PGM1: variants seen among roughly 807,000 people sequenced by gnomAD.
PGM1 encodes phosphoglucomutase 1.
A neutral mutation model predicts 55.6 loss-of-function variants in PGM1; 52 were observed. That is an observed-to-expected ratio of 0.94 (90% CI 0.75 to 1.18). PGM1 has a LOEUF of 1.18. Ranked by LOEUF, PGM1 falls within the 50% of genes most tolerant of loss-of-function variation. The pLI, the probability that PGM1 is intolerant of heterozygous loss-of-function variation, is 0.00. For missense variants in PGM1, 724 were observed against 729.3 expected, an observed-to-expected ratio of 0.99 and a Z score of 0.08; for synonymous variants, 287 against 271.7, an observed-to-expected ratio of 1.06 and a Z score of -0.55.
At chr1:63,640,324 G>A (rs543470482) in intron 7 of PGM1, among the ~76,000 whole-genome samples, 28 of 152,268 alleles carry the variant, frequency 1.8e-4, no homozygotes, top group South Asian at 6.2e-4. Flanking sequence ...GTGAGTATGT[G>A]GAAGAATACT....
intron 4 of PGM1, among the ~76,000 whole-genome samples, chr1:63,632,606 C>G (rs528508545): frequency 1.3e-5 from 2 of 152,326 alleles, no homozygotes; most frequent in South Asian, 4.1e-4. Context: ...TTAAACCATT[C>G]AACAGATGTG....
intron 1 of PGM1, chr1:63,594,017 C>G: frequency 8.9e-7 from 1 of 1,126,032 alleles, no homozygotes; most frequent in Non-Finnish European, 1.1e-6. Flanking sequence ...GCCCGACTCT[C>G]CGTCTCTAGC....
chr1:63,631,783 G>T lies in PGM1; in HGVS notation c.682+1G>T, dbSNP rs1177737420. The T allele has an allele frequency of 6.2e-7, 1 of 1,613,682 alleles. No individual in the cohort carries two copies. On this transcript the variant is annotated splice_donor_variant, in intron 4 of 10. Transcript: ENST00000371084. LOFTEE classifies it high-confidence loss of function. ...ATCCGTATTGATGCTATGCATGGAG[G>T]TATACAATCATTTCTTTTCAATTCC... is the stretch of plus-strand genomic sequence containing the variant.
At chr1:63,652,527 A>G (rs1335191329) in intron 9 of PGM1, among the ~76,000 whole-genome samples, 1 of 151,882 alleles carries the variant, frequency 6.6e-6, no homozygotes, top group African/African-American at 2.4e-5. Flanking sequence ...CTGGCTTCTC[A>G]TGAACACTTA....
intron 10 of PGM1, 53 bp downstream of exon 10, chr1:63,654,519 GT>G (rs1649909374): frequency 2.5e-6 from 4 of 1,585,356 alleles, no homozygotes; most frequent in Non-Finnish European, 3.5e-6. Flanking sequence ...GGGAATGATA[GT>G]TTCCCATTGA....
In PGM1 at chr1:63,657,422, C is replaced by T. The variant is rs1285504026; in HGVS notation, c.1600-2164C>T. On this transcript the variant is annotated intron_variant, in intron 10 of 10. Coordinates refer to ENST00000371084, the MANE Select transcript of PGM1 (RefSeq NM_002633.3). ...AGATAATAAATGTAAAATGTTTAAA[C>T]ACTGTGGCTGGCATATAGGATTAAC... is the stretch of plus-strand genomic sequence containing the variant. Among the ~76,000 whole-genome samples, 7 of 152,148 alleles carry T rather than the reference C, an allele frequency of 4.6e-5. No individual in the cohort carries two copies. In the East Asian group the frequency reaches 1.2e-3, roughly 25 times the overall value.
chr1:63,647,949 A>C (rs899295318), intron 7 of PGM1, among the ~76,000 whole-genome samples: 1 of 152,174 alleles, frequency 6.6e-6, no homozygotes, highest in Non-Finnish European at 1.5e-5. Context: ...TATGCCTTAC[A>C]TTTCTAAATC....
intron 7 of PGM1, among the ~76,000 whole-genome samples, chr1:63,639,172 GT>G (rs559942330): frequency 6.6e-6 from 1 of 152,032 alleles, no homozygotes; most frequent in Non-Finnish European, 1.5e-5. Flanking sequence ...GAGCAAGTCG[GT>G]TTTTTGTTTT....
intron 7 of PGM1, among the ~76,000 whole-genome samples, chr1:63,647,261 TATATATATATATATATATATATATATATA>T (rs1649675174): frequency 4.1e-5 from 2 of 48,470 alleles, no homozygotes; most frequent in African/African-American, 2.6e-4. Flanking sequence ...AAATTTTACA[TATATATATATATATATATATATATATATA>T]TATATATATA....
intron 1 of PGM1, among the ~76,000 whole-genome samples, chr1:63,616,690 C>A (rs1050437267): frequency 6.6e-5 from 10 of 150,486 alleles, no homozygotes; most frequent in Non-Finnish European, 1.0e-4. Flanking sequence ...GTTGTACACT[C>A]TCTGAGGCAG....
At position 63,638,692 on chromosome 1, in the gene PGM1, A is replaced by C. The variant is rs1301557215; in HGVS notation, c.1036A>C (p.Ser346Arg). 6.2e-7 allele frequency: 1 copy of C among 1,610,196 alleles called. No individual in the cohort carries two copies. The highest frequency in any genetic ancestry group is 1.3e-5 in the African/African-American group (1 of 74,856). Residue 346 changes from serine (S) to arginine (R), a missense_variant, in exon 7 of 11, where the codon AGT (serine) becomes CGT (arginine). Physicochemically the swap from Ser to Arg is moderately radical, Grantham distance 110. Transcript: ENST00000371084. Reference protein sequence around the residue: ...PTSGALDRVASATKIALYETP... With the variant: ...PTSGALDRVARATKIALYETP... ...GATTTCATGCCTTTGAAGGGTGGCT[A>C]GTGCTACAAAGATTGCTTTGTATGA...
chr1:63,638,911 A>G (rs1649437127), intron 7 of PGM1, 111 bp downstream of exon 7: 4 of 811,686 alleles, frequency 4.9e-6, no homozygotes, highest in Non-Finnish European at 8.9e-6. Flanking sequence ...TGTGTCCTAA[A>G]TCAAGGCACA....
chr1:63,618,205 A>C lies in PGM1; in HGVS notation c.247-11220A>C, dbSNP rs183455090. Among the ~76,000 whole-genome samples, 600 of 152,334 alleles carry C rather than the reference A, an allele frequency of 3.9e-3. 3 individuals are homozygous for C. The highest frequency in any genetic ancestry group is 0.013 in the African/African-American group (552 of 41,572). On this transcript the variant is annotated intron_variant, in intron 1 of 10. Transcript: ENST00000371084. ...CTTGTCCAAGATCATATTACTAGTA[A>C]CTGGTAGAATAAGGGTTCAGACCCT... is the stretch of plus-strand genomic sequence containing the variant.
At position 63,638,668 on chromosome 1, in the gene PGM1, A is replaced by G. The variant is rs765327425; in HGVS notation, c.1029-17A>G. On this transcript the variant is annotated splice_polypyrimidine_tract_variant and intron_variant, in intron 6 of 10. Transcript: ENST00000371084. ...ACAGTCCTGCTGTGATGTAACTTTG[A>G]TTTCATGCCTTTGAAGGGTGGCTAG... is the stretch of plus-strand genomic sequence containing the variant. 5 of 1,562,368 alleles carry G rather than the reference A, an allele frequency of 3.2e-6. No individual in the cohort carries two copies. Among genetic ancestry groups the G allele is most frequent in the Non-Finnish European group, 4.4e-6 (5 of 1,132,796 alleles).
chr1:63,614,573 G>T (rs1648657943), intron 1 of PGM1, among the ~76,000 whole-genome samples: 1 of 152,184 alleles, frequency 6.6e-6, no homozygotes, highest in African/African-American at 2.4e-5. Flanking sequence ...AAGGTAGCAT[G>T]ATAGTTACAT....
In PGM1 at chr1:63,627,119, A is replaced by G. The variant is rs145190285; in HGVS notation, c.247-2306A>G. ...TAATATTCCACTGTATGTATACACAATATTTTGTTTATCCATTCACTTGAT... is the reference window on the plus strand; with the variant it reads ...TAATATTCCACTGTATGTATACACAGTATTTTGTTTATCCATTCACTTGAT... On this transcript the variant is annotated intron_variant, in intron 1 of 10. Coordinates refer to ENST00000371084, the MANE Select transcript of PGM1 (RefSeq NM_002633.3). Among the ~76,000 whole-genome samples the G allele has an allele frequency of 1.5e-4, 22 of 144,462 alleles. No individual in the cohort carries two copies. The East Asian group carries it at 5.1e-3, about 34-fold the overall frequency. The allele number at this position is 144,462 out of a possible 152,430, so 94.8% of individuals were successfully genotyped here. A position where few individuals can be genotyped will look rare whatever the true frequency, so the allele number is the denominator to read the frequency against.
chr1:63,627,063 C>A lies in PGM1; in HGVS notation c.247-2362C>A, dbSNP rs867496058. Among the ~76,000 whole-genome samples, 892 of 125,210 alleles carry A rather than the reference C, an allele frequency of 7.1e-3. 32 individuals are homozygous for A. Among genetic ancestry groups the A allele is most frequent in the African/African-American group, 0.027 (840 of 30,896 alleles). The allele number at this position is 125,210 out of a possible 152,430, so 82.1% of individuals were successfully genotyped here. ...GTGGCATATGGCAGGACCCCCCCCC[C>A]CCCACACACACACACACTTTTAAGG... On this transcript the variant is annotated intron_variant, in intron 1 of 10. Coordinates refer to ENST00000371084, the MANE Select transcript of PGM1 (RefSeq NM_002633.3).
chr1:63,633,934 T>A (rs796762811), intron 4 of PGM1, among the ~76,000 whole-genome samples: 5,069 of 30,132 alleles, frequency 0.17, 89 homozygotes, highest in East Asian at 0.34. Context: ...ATATATATAT[T>A]TTTTTTTTTT....
At chr1:63,659,490 G>A in intron 10 of PGM1, 96 bp from the exon 11 acceptor site, 1 of 952,782 alleles carries the variant, frequency 1.0e-6, no homozygotes, top group South Asian at 1.3e-5. Context: ...AGGAGCCTTG[G>A]AGACCTGGAA....
Sources: allele counts gnomAD v4.1 joint callset (sites outside exome capture counted in the v4.1 genomes callset), GRCh38; gene constraint gnomAD v4.1.1; transcripts MANE v1.5; gene names NCBI Gene and HGNC (gene_info 2026-07-23, HGNC 2026-07-21).